The following NHLRC2 variants were observed in gnomAD, a reference collection of about 807,000 sequenced individuals.
NHLRC2 encodes NHL repeat containing 2.
NHLRC2 carries 33 observed loss-of-function variants against 68.1 expected under a neutral mutation model. That is an observed-to-expected ratio of 0.48 (90% CI 0.37 to 0.65). The LOEUF (loss-of-function observed/expected upper bound fraction) is 0.65, where lower values mean the gene tolerates loss of function less well. Among genes scored for constraint, NHLRC2 ranks in the 30% least tolerant of loss-of-function variants. NHLRC2 has a pLI of 0.00. For missense variants in NHLRC2, 761 were observed against 853.8 expected, an observed-to-expected ratio of 0.89 and a Z score of 1.35; for synonymous variants, 311 against 309.6, an observed-to-expected ratio of 1.00 and a Z score of -0.05.
At chr10:113,855,084 C>G (rs1457872930) in intron 1 of NHLRC2, 34 bp downstream of exon 1, 1 of 1,526,914 alleles carries the variant, frequency 6.5e-7, no homozygotes, top group Non-Finnish European at 8.9e-7. Flanking sequence ...GGGCCCCTCC[C>G]GGCACCTCCC....
intron 10 of NHLRC2, among the ~76,000 whole-genome samples, chr10:113,907,427 G>A (rs1319510497): frequency 6.6e-6 from 1 of 150,724 alleles, no homozygotes; most frequent in Non-Finnish European, 1.5e-5. Flanking sequence ...TTACATGGTG[G>A]GAAAGCATTT....
chr10:113,898,121 C>T lies in NHLRC2; in HGVS notation c.1051C>T (p.Gln351Ter), dbSNP rs1339938640. The stretch of plus-strand genomic sequence containing the variant: ...TTATTTTTATAAAGGTTCAGAGGTC[C>T]AAAGAGGTGACATTTTATGGATAGC... ...VVFGTSGSEV[Q>*]RGDILWIAMA... The change falls in exon 6 of 11, where the codon CAA becomes TAA. Residue 351 changes from glutamine to a stop codon, truncating the protein, a stop_gained. Coordinates refer to ENST00000369301, the MANE Select transcript of NHLRC2 (RefSeq NM_198514.4). LOFTEE classifies it high-confidence loss of function. 6.2e-7 allele frequency: 1 copy of T among 1,607,958 alleles called. No homozygotes were observed. The highest frequency in any genetic ancestry group is 8.5e-7 in the Non-Finnish European group (1 of 1,175,088).
chr10:113,879,854 C>T (rs1201202472), intron 4 of NHLRC2, among the ~76,000 whole-genome samples, 159 bp downstream of exon 4: 4 of 152,054 alleles, frequency 2.6e-5, no homozygotes, highest in Non-Finnish European at 5.9e-5. Flanking sequence ...CTCAAGTATC[C>T]TGTTTCTATT....
Position 113,901,869 on chromosome 10 carries a change from A to G in NHLRC2, c.1343A>G (p.His448Arg), listed in dbSNP as rs1485650633. 6.2e-7 allele frequency: 1 copy of G among 1,613,442 alleles called. No individual in the cohort carries two copies. Among genetic ancestry groups the G allele is most frequent in the East Asian group, 2.2e-5 (1 of 44,878 alleles). The stretch of plus-strand genomic sequence containing the variant: ...TCACTGAAAGATGGAGCAGTGAAGC[A>G]CCTCGTAGGAGGAGAAAGAGACCCC... ...TVSLKDGAVK[H>R]LVGGERDPMN... is the part of the protein sequence containing the mutation. Residue 448 changes from histidine (H) to arginine (R), a missense_variant, in exon 7 of 11, where the codon CAC (histidine) becomes CGC (arginine). Physicochemically the swap from His to Arg is conservative, Grantham distance 29. Transcript: ENST00000369301.
chr10:113,884,321 G>A lies in NHLRC2; in HGVS notation c.980G>A (p.Gly327Glu), dbSNP rs1846061966. The A allele has an allele frequency of 6.2e-7, 1 of 1,610,578 alleles. No homozygotes were observed. The highest frequency in any genetic ancestry group is 2.2e-5 in the East Asian group (1 of 44,770). ...ATTCAAGGTACAGATAAAGAAGGTG[G>A]AGCAAAAGGAGAACAACAACCCATT... ...IGIQGTDKEG[G>E]AKGEQQPISS... Residue 327 changes from glycine (G) to glutamate (E), a missense_variant, in exon 5 of 11, where the codon GGA becomes GAA. Gly to Glu is a moderately conservative substitution (Grantham distance 98, BLOSUM62 -2). Coordinates refer to ENST00000369301, the MANE Select transcript of NHLRC2 (RefSeq NM_198514.4).
rs550382430 is a variant in NHLRC2, at chr10:113,882,839, T to C, written c.910-1412T>C. Among the ~76,000 whole-genome samples the C allele has an allele frequency of 2.4e-4, 37 of 151,812 alleles. No homozygotes were observed. The South Asian group carries it at 7.2e-3, about 30-fold the overall frequency. On this transcript the variant is annotated intron_variant, in intron 4 of 10. Transcript: ENST00000369301. Reference sequence around the variant, plus strand: ...TAGTTATGGCTCTTATAATTAGGTCTTTGATCCATTTTGAGTTGATTTTTG... The same window carrying C: ...TAGTTATGGCTCTTATAATTAGGTCCTTGATCCATTTTGAGTTGATTTTTG...
Position 113,908,330 on chromosome 10 carries a change from A to T in NHLRC2, c.1975A>T (p.Ile659Phe), listed in dbSNP as rs770967571. 62 of 1,613,688 alleles carry T rather than the reference A, an allele frequency of 3.8e-5. No individual in the cohort carries two copies. Among genetic ancestry groups the T allele is most frequent in the Non-Finnish European group, 5.3e-5 (62 of 1,179,666 alleles). The change falls in exon 11 of 11, where the codon ATT (isoleucine) becomes TTT (phenylalanine). Residue 659 changes from isoleucine to phenylalanine, a missense_variant. Physicochemically the swap from Ile to Phe is conservative, Grantham distance 21. Coordinates refer to ENST00000369301, the MANE Select transcript of NHLRC2 (RefSeq NM_198514.4). ...GATAGCAGCTGGAGATATAGAGAAC[A>T]TTTCCAGTCAACCAACAATTTCACT... ...GQIAAGDIEN[I>F]SSQPTISLQI...
intron 2 of NHLRC2, among the ~76,000 whole-genome samples, chr10:113,859,242 T>C (rs1184459476): frequency 1.3e-5 from 2 of 152,150 alleles, no homozygotes; most frequent in Non-Finnish European, 2.9e-5. Context: ...ATTCTAAAGA[T>C]GTAGGAGATT....
chr10:113,860,025 A>G (rs1324119701), intron 2 of NHLRC2, among the ~76,000 whole-genome samples: 1 of 152,328 alleles, frequency 6.6e-6, no homozygotes, highest in African/African-American at 2.4e-5. Context: ...GTGTGGCAAG[A>G]TTGTAAGAGT....
At chr10:113,865,005 A>G (rs951639966) in intron 2 of NHLRC2, among the ~76,000 whole-genome samples, 1 of 150,446 alleles carries the variant, frequency 6.6e-6, no homozygotes, top group Non-Finnish European at 1.5e-5. Flanking sequence ...GCTGGAGTGC[A>G]ATGGCGCCAT....
intron 10 of NHLRC2, among the ~76,000 whole-genome samples, 163 bp downstream of exon 10, chr10:113,905,199 C>G (rs1042481246): frequency 6.6e-6 from 1 of 152,168 alleles, no homozygotes; most frequent in Admixed American, 6.5e-5. Flanking sequence ...ATTTGCTTTA[C>G]TCATCAAGAG....
intron 6 of NHLRC2, among the ~76,000 whole-genome samples, chr10:113,899,498 G>A (rs1846209607): frequency 6.6e-6 from 1 of 152,198 alleles, no homozygotes; most frequent in Admixed American, 6.5e-5. Context: ...CTAGGCAATA[G>A]GGATGAAATA....
At chr10:113,881,042 T>TC (rs1306304268) in intron 4 of NHLRC2, among the ~76,000 whole-genome samples, 4 of 151,900 alleles carry the variant, frequency 2.6e-5, no homozygotes, top group Non-Finnish European at 4.4e-5. Flanking sequence ...TAGGACTGTT[T>TC]CCATGGTGTA....
At chr10:113,885,602 T>C (rs987836389) in intron 5 of NHLRC2, among the ~76,000 whole-genome samples, 3 of 152,002 alleles carry the variant, frequency 2.0e-5, no homozygotes, top group African/African-American at 7.2e-5. Flanking sequence ...CGTATTTTAG[T>C]ATGATGTTAT....
chr10:113,903,224 C>T (rs1308286138), intron 8 of NHLRC2, among the ~76,000 whole-genome samples: 1 of 151,986 alleles, frequency 6.6e-6, no homozygotes, highest in Non-Finnish European at 1.5e-5. Flanking sequence ...TGAAGAAAAA[C>T]AATTCAATAA....
intron 5 of NHLRC2, among the ~76,000 whole-genome samples, chr10:113,893,565 T>C (rs1846151268): frequency 6.6e-6 from 1 of 152,160 alleles, no homozygotes; most frequent in African/African-American, 2.4e-5. Context: ...TCCTCATAAG[T>C]TGGTATGTAG....
chr10:113,863,069 T>A (rs991291015), intron 2 of NHLRC2, among the ~76,000 whole-genome samples: 2 of 152,050 alleles, frequency 1.3e-5, no homozygotes, highest in Non-Finnish European at 2.9e-5. Flanking sequence ...GAACAAAAAT[T>A]GACAGAATTG....
At chr10:113,885,243 T>G (rs1365652479) in intron 5 of NHLRC2, among the ~76,000 whole-genome samples, 1 of 152,100 alleles carries the variant, frequency 6.6e-6, no homozygotes, top group East Asian at 1.9e-4. Context: ...ATGAAGCACT[T>G]AATACTCATA....
chr10:113,904,910 A>T lies in NHLRC2; in HGVS notation c.1798A>T (p.Ser600Cys). ...ACCCAAACTACCTAAATCTGCTCCA[A>T]GCATTAGGCTTTCCCCCGTGACTGC... ...TLPKLPKSAP[S>C]IRLSPVTACA... Residue 600 changes from serine to cysteine, a missense_variant, in exon 10 of 11, where the codon AGC (serine) becomes TGC (cysteine). Physicochemically the swap from Ser to Cys is moderately radical, Grantham distance 112. Coordinates refer to ENST00000369301, the MANE Select transcript of NHLRC2 (RefSeq NM_198514.4). The T allele has an allele frequency of 1.2e-6, 2 of 1,609,438 alleles. No individual in the cohort carries two copies. The highest frequency in any genetic ancestry group is 1.7e-6 in the Non-Finnish European group (2 of 1,178,534).
Sources: allele counts gnomAD v4.1 joint callset (sites outside exome capture counted in the v4.1 genomes callset), GRCh38; gene constraint gnomAD v4.1.1; transcripts MANE v1.5; gene names NCBI Gene and HGNC (gene_info 2026-07-23, HGNC 2026-07-21).